Variants in CRISPLD1 observed in about 807,000 individuals in gnomAD.
The protein encoded by CRISPLD1 is cysteine-rich secretory protein LCCL domain-containing 1.
Under a neutral mutation model 77.5 loss-of-function variants are expected in CRISPLD1, and 60 were observed. That is an observed-to-expected ratio of 0.77 (90% CI 0.63 to 0.96). CRISPLD1 has a LOEUF of 0.96. Among genes scored for constraint, CRISPLD1 ranks in the 40% least tolerant of loss-of-function variants. The pLI, the probability that CRISPLD1 is intolerant of heterozygous loss-of-function variation, is 0.00. For synonymous variants in CRISPLD1, 195 were observed against 200.1 expected (o/e 0.97, Z 0.22); for missense variants, 623 against 615.8 (o/e 1.01, Z -0.12).
chr8:75,027,319 G>A (rs1201505845), intron 13 of CRISPLD1, among the ~76,000 whole-genome samples: 1 of 152,186 alleles, frequency 6.6e-6, no homozygotes, highest in Admixed American at 6.5e-5. Flanking sequence ...ATAAGTATTT[G>A]TTGAAACAAG....
intron 12 of CRISPLD1, among the ~76,000 whole-genome samples, chr8:75,021,224 G>A (rs570624053): frequency 3.9e-5 from 6 of 152,268 alleles, no homozygotes; most frequent in Non-Finnish European, 8.8e-5. Flanking sequence ...AATGGGATTG[G>A]CTGTTCACAA....
intron 12 of CRISPLD1, among the ~76,000 whole-genome samples, chr8:75,024,028 G>A (rs1409503438): frequency 1.3e-5 from 2 of 152,194 alleles, no homozygotes; most frequent in Non-Finnish European, 2.9e-5. Flanking sequence ...CCAGATATCA[G>A]TAAGGCAGTA....
chr8:74,999,394 G>A (rs16939015), intron 2 of CRISPLD1, among the ~76,000 whole-genome samples: 2,036 of 152,230 alleles, frequency 0.013, 70 homozygotes, highest in East Asian at 0.1. Context: ...GCATATTTTT[G>A]TCATGGCAAA....
In CRISPLD1 at chr8:75,029,311, T is replaced by C. The variant is rs1269460273; in HGVS notation, c.1321-76T>C. ...TCAGGATGTCAGCGACTTCAGTCTA[T>C]TAATAATAGAAGAATAGGCTGGACA... On this transcript the variant is annotated intron_variant, in intron 13 of 14. Coordinates refer to ENST00000262207, the MANE Select transcript of CRISPLD1 (RefSeq NM_031461.6). 6 of 1,452,988 alleles carry C rather than the reference T, an allele frequency of 4.1e-6. No individual in the cohort carries two copies. The African/African-American group carries it at 5.7e-5, about 14-fold the overall frequency. 90.0% of individuals were successfully genotyped at this position (1,452,988 alleles called of 1,614,324 possible). A position where few individuals can be genotyped will look rare whatever the true frequency, so the allele number is the denominator to read the frequency against.
chr8:74,990,485 G>A (rs983397547), intron 2 of CRISPLD1, among the ~76,000 whole-genome samples: 17 of 151,770 alleles, frequency 1.1e-4, no homozygotes, highest in Middle Eastern at 3.4e-3. Context: ...TCCTTTTCCC[G>A]TTCTACAGGG....
chr8:75,029,789 A>G (rs576206045), intron 14 of CRISPLD1, among the ~76,000 whole-genome samples: 11 of 152,278 alleles, frequency 7.2e-5, no homozygotes, highest in African/African-American at 2.4e-4. Context: ...TAGTCTTATA[A>G]TTAGGAACTT....
chr8:74,988,374 C>T (rs890035533), intron 2 of CRISPLD1, among the ~76,000 whole-genome samples: 1 of 152,034 alleles, frequency 6.6e-6, no homozygotes, highest in Non-Finnish European at 1.5e-5. Flanking sequence ...CCCCTTATAC[C>T]CTATGTGTCT....
chr8:75,011,352 A>G (rs1587016077), intron 2 of CRISPLD1, among the ~76,000 whole-genome samples: 2 of 134,098 alleles, frequency 1.5e-5, no homozygotes, highest in African/African-American at 5.7e-5. Flanking sequence ...TTCAATTCCC[A>G]TCTTTAAATT....
At chr8:74,997,551 A>G (rs1812665253) in intron 2 of CRISPLD1, among the ~76,000 whole-genome samples, 2 of 152,166 alleles carry the variant, frequency 1.3e-5, no homozygotes, top group Admixed American at 1.3e-4. Flanking sequence ...GAAATAATGT[A>G]GCTATTAGGA....
At chr8:75,007,023 AT>A (rs375288888) in intron 2 of CRISPLD1, among the ~76,000 whole-genome samples, 1 of 152,132 alleles carries the variant, frequency 6.6e-6, no homozygotes, top group South Asian at 2.1e-4. Flanking sequence ...AACACCTTCC[AT>A]TTTAGTTTTT....
intron 2 of CRISPLD1, among the ~76,000 whole-genome samples, chr8:75,001,473 T>G (rs1196039362): frequency 6.6e-6 from 1 of 152,156 alleles, no homozygotes; most frequent in Non-Finnish European, 1.5e-5. Flanking sequence ...TAAGTCACAG[T>G]ATGGTAAGAA....
chr8:74,990,272 C>T (rs78455306), intron 2 of CRISPLD1, among the ~76,000 whole-genome samples: 3,989 of 151,016 alleles, frequency 0.026, 64 homozygotes, highest in Non-Finnish European at 0.035. Flanking sequence ...ACTTATACTC[C>T]TTAAGTCTAT....
intron 10 of CRISPLD1, 87 bp from the exon 11 acceptor site, chr8:75,019,783 T>G: frequency 2.0e-6 from 2 of 989,400 alleles, no homozygotes; most frequent in Non-Finnish European, 3.1e-6. Flanking sequence ...GAAAATTAAG[T>G]GTTCATAGAC....
intron 2 of CRISPLD1, among the ~76,000 whole-genome samples, chr8:75,008,440 G>A (rs147909597): frequency 0.013 from 2,022 of 152,250 alleles, 19 homozygotes; most frequent in Middle Eastern, 0.027. Context: ...GTTTTAAAAC[G>A]TGAAATAATA....
chr8:75,017,028 C>A lies in CRISPLD1; in HGVS notation c.930-19C>A. 6.2e-7 allele frequency: 1 copy of A among 1,603,920 alleles called. No homozygotes were observed. Among genetic ancestry groups the A allele is most frequent in the Non-Finnish European group, 8.5e-7 (1 of 1,174,298 alleles). ...ACATTCAGAGAAACTAAATTTTGTG[C>A]CCAATTACTTTTATTTAGGTACGAA... On this transcript the variant is annotated intron_variant, in intron 8 of 14. Coordinates refer to ENST00000262207, the MANE Select transcript of CRISPLD1 (RefSeq NM_031461.6).
At chr8:75,015,770 A>G (rs1813017143) in intron 6 of CRISPLD1, among the ~76,000 whole-genome samples, 1 of 152,086 alleles carries the variant, frequency 6.6e-6, no homozygotes, top group Admixed American at 6.6e-5. Context: ...TAAAATTCCT[A>G]GAAGCGTTTG....
chr8:75,027,914 G>A (rs964304150), intron 13 of CRISPLD1, among the ~76,000 whole-genome samples: 2 of 152,108 alleles, frequency 1.3e-5, no homozygotes, highest in Non-Finnish European at 2.9e-5. Flanking sequence ...AAAAGTCTGA[G>A]TATGAAAAGA....
chr8:75,030,262 G>A (rs1430268106), intron 14 of CRISPLD1, among the ~76,000 whole-genome samples: 1 of 151,922 alleles, frequency 6.6e-6, no homozygotes, highest in Non-Finnish European at 1.5e-5. Context: ...TGTGTCATAC[G>A]GGGTATCTAG....
chr8:75,004,937 G>A (rs1436391718), intron 2 of CRISPLD1, among the ~76,000 whole-genome samples: 1 of 152,036 alleles, frequency 6.6e-6, no homozygotes, highest in Non-Finnish European at 1.5e-5. Flanking sequence ...TTTTTATTAA[G>A]ATTATCTTCT....
Sources: allele counts gnomAD v4.1 joint callset (sites outside exome capture counted in the v4.1 genomes callset), GRCh38; gene constraint gnomAD v4.1.1; transcripts MANE v1.5; gene names NCBI Gene and HGNC (gene_info 2026-07-23, HGNC 2026-07-21).